Variants in ELMOD1 observed in about 807,000 individuals in gnomAD.
ELMOD1 encodes ELMO domain containing 1.
A neutral mutation model predicts 46.7 loss-of-function variants in ELMOD1; 21 were observed. That is an observed-to-expected ratio of 0.45 (90% CI 0.32 to 0.65). The LOEUF (loss-of-function observed/expected upper bound fraction) is 0.65. Ranked by LOEUF, ELMOD1 falls within the 30% of genes least tolerant of loss-of-function variation. The pLI, the probability that ELMOD1 is intolerant of heterozygous loss-of-function variation, is 0.04. For missense variants in ELMOD1, 348 were observed against 407.8 expected, an observed-to-expected ratio of 0.85 and a Z score of 1.26; for synonymous variants, 122 against 138.2, an observed-to-expected ratio of 0.88 and a Z score of 0.82.
intron 6 of ELMOD1, among the ~76,000 whole-genome samples, chr11:107,641,329 AT>A (rs1866319532): frequency 6.6e-6 from 1 of 151,856 alleles, no homozygotes; most frequent in South Asian, 2.1e-4. Context: ...ATATATATAT[AT>A]ATATCTCTAA....
chr11:107,634,085 T>A (rs1312697166), intron 5 of ELMOD1, among the ~76,000 whole-genome samples: 2 of 152,172 alleles, frequency 1.3e-5, no homozygotes, highest in Non-Finnish European at 2.9e-5. Context: ...TGTACAGTGA[T>A]TATAATGACC....
intron 4 of ELMOD1, 95 bp downstream of exon 4, chr11:107,630,823 G>A: frequency 7.9e-7 from 1 of 1,260,990 alleles, no homozygotes; most frequent in Non-Finnish European, 1.1e-6. Flanking sequence ...ATATACCACT[G>A]GCTAGGAAAA....
intron 10 of ELMOD1, 29 bp from the exon 11 acceptor site, chr11:107,655,904 C>A (rs1866621739): frequency 6.3e-7 from 1 of 1,594,558 alleles, no homozygotes; most frequent in East Asian, 2.2e-5. Flanking sequence ...ATGTGACACA[C>A]AGTTGGTTTT....
At chr11:107,622,033 T>C (rs1384834267) in intron 2 of ELMOD1, among the ~76,000 whole-genome samples, 2 of 151,974 alleles carry the variant, frequency 1.3e-5, no homozygotes, top group African/African-American at 4.8e-5. Context: ...ATCTCAAAAA[T>C]AAATGAATGT....
rs1033311280 is a variant in ELMOD1 at position 107,605,191 on chromosome 11, C to CT, written c.-85-12895dup. On this transcript the variant is annotated intron_variant, in intron 1 of 11. Coordinates refer to ENST00000265840, the MANE Select transcript of ELMOD1 (RefSeq NM_018712.4). ...TGTAGCTGAGAGATGAATTTTCTTT[C>CT]TTTTTTTTTTTTTTTTTTTCTTTTT... Among the ~76,000 whole-genome samples, 1,138 of 128,098 alleles carry CT rather than the reference C, an allele frequency of 8.9e-3. 9 individuals are homozygous for CT. Among genetic ancestry groups the CT allele is most frequent in the East Asian group, 0.029 (127 of 4,430 alleles). 84.0% of individuals were successfully genotyped at this position (128,098 alleles called of 152,430 possible).
intron 8 of ELMOD1, among the ~76,000 whole-genome samples, 182 bp downstream of exon 8, chr11:107,650,585 G>T (rs1237520390): frequency 5.9e-5 from 9 of 152,290 alleles, no homozygotes; most frequent in Non-Finnish European, 1.5e-5. Context: ...CCAAGATTTA[G>T]GATGTAAAGT....
At chr11:107,614,155 A>G (rs1043394000) in intron 1 of ELMOD1, among the ~76,000 whole-genome samples, 7 of 152,132 alleles carry the variant, frequency 4.6e-5, no homozygotes, top group South Asian at 2.1e-4. Context: ...CAAAGGTCCT[A>G]TTGAATCTAC....
At chr11:107,594,452 G>T (rs993872685) in intron 1 of ELMOD1, among the ~76,000 whole-genome samples, 1 of 152,084 alleles carries the variant, frequency 6.6e-6, no homozygotes, top group African/African-American at 2.4e-5. Flanking sequence ...GAGCTGAAAA[G>T]GGACAAGTGC....
At chr11:107,634,458 G>T (rs958586681) in intron 5 of ELMOD1, among the ~76,000 whole-genome samples, 28 of 152,288 alleles carry the variant, frequency 1.8e-4, no homozygotes, top group Middle Eastern at 3.4e-3. Context: ...CTGAAAACCG[G>T]CTGGGCGCAG....
At chr11:107,603,208 T>C (rs2135654611) in intron 1 of ELMOD1, among the ~76,000 whole-genome samples, 1 of 152,332 alleles carries the variant, frequency 6.6e-6, no homozygotes, top group South Asian at 2.1e-4. Context: ...TTTCAAAAGA[T>C]GGAGAAGGAG....
At chr11:107,599,740 C>CAA (rs56992146) in intron 1 of ELMOD1, among the ~76,000 whole-genome samples, 2 of 91,206 alleles carry the variant, frequency 2.2e-5, no homozygotes, top group South Asian at 4.2e-4. Flanking sequence ...AGACCTGTCT[C>CAA]AAAAAAAAAA....
chr11:107,625,443 CTG>C (rs2135681519), intron 2 of ELMOD1: 3 of 985,132 alleles, frequency 3.0e-6, no homozygotes, highest in South Asian at 9.4e-5. Context: ...TTCATTGAAA[CTG>C]TTCAAAATAA....
At chr11:107,628,416 C>T (rs992118162) in intron 2 of ELMOD1, among the ~76,000 whole-genome samples, 1 of 152,196 alleles carries the variant, frequency 6.6e-6, no homozygotes, top group Non-Finnish European at 1.5e-5. Flanking sequence ...CCACCCGCCT[C>T]AGCCTCCCAA....
intron 5 of ELMOD1, 145 bp from the exon 6 acceptor site, chr11:107,635,491 C>G: frequency 1.3e-6 from 1 of 789,590 alleles, no homozygotes; most frequent in South Asian, 3.2e-5. Flanking sequence ...AAGAATTGTG[C>G]TTCTATTAAA....
At position 107,598,090 on chromosome 11, in the gene ELMOD1, A is replaced by G. The variant is rs962962329; in HGVS notation, c.-86+6681A>G. ...GGACAACTGTCATTCTTTTTCAACA[A>G]TGCCATCTGAATCTCTTTTCCATGT... On this transcript the variant is annotated intron_variant, in intron 1 of 11. Transcript: ENST00000265840. Among the ~76,000 whole-genome samples, 6 of 152,310 alleles carry G rather than the reference A, an allele frequency of 3.9e-5. No homozygotes were observed. The East Asian group carries it at 5.8e-4, about 15-fold the overall frequency.
chr11:107,632,606 CA>C (rs1361709572), intron 5 of ELMOD1, among the ~76,000 whole-genome samples: 1 of 152,138 alleles, frequency 6.6e-6, no homozygotes, highest in Non-Finnish European at 1.5e-5. Context: ...TTTGCCTATT[CA>C]GCTACCAAAG....
chr11:107,645,774 A>C (rs1471996313), intron 6 of ELMOD1, among the ~76,000 whole-genome samples: 2 of 152,230 alleles, frequency 1.3e-5, no homozygotes, highest in Admixed American at 1.3e-4. Flanking sequence ...CCCTTTAGAC[A>C]AATGAAATTT....
intron 1 of ELMOD1, among the ~76,000 whole-genome samples, chr11:107,596,010 G>A (rs769618875): frequency 5.3e-5 from 8 of 152,156 alleles, no homozygotes; most frequent in Middle Eastern, 3.4e-3. Flanking sequence ...AATGCCTAAG[G>A]AGAGCTTGTT....
At chr11:107,654,263 ACAGAAC>A in intron 10 of ELMOD1, 41 bp downstream of exon 10, 4 of 1,531,852 alleles carry the variant, frequency 2.6e-6, no homozygotes, top group Non-Finnish European at 3.6e-6. Flanking sequence ...TCCGTCTGAA[ACAGAAC>A]CAGAACTAGA....
Sources: allele counts gnomAD v4.1 joint callset (sites outside exome capture counted in the v4.1 genomes callset), GRCh38; gene constraint gnomAD v4.1.1; transcripts MANE v1.5; gene names NCBI Gene and HGNC (gene_info 2026-07-23, HGNC 2026-07-21).